Variants in PGM1 observed in about 807,000 individuals in gnomAD.
PGM1 encodes the protein phosphoglucomutase-1.
A neutral mutation model predicts 55.6 loss-of-function variants in PGM1; 52 were observed. The ratio of observed to expected loss-of-function variants is 0.94; its 90% confidence interval spans 0.75 to 1.18. The LOEUF is 1.18. PGM1 is among the 50% of genes most tolerant of loss of function. The pLI is 0.00. For missense variants in PGM1, 724 were observed against 729.3 expected, an observed-to-expected ratio of 0.99 and a Z score of 0.08; for synonymous variants, 287 against 271.7, an observed-to-expected ratio of 1.06 and a Z score of -0.55.
At chr1:63,656,172 G>A (rs1649960678) in intron 10 of PGM1, 1 of 152,218 alleles carries the variant, frequency 6.6e-6, no homozygotes, top group Non-Finnish European at 1.5e-5. Flanking sequence ...ACAGGCGTAT[G>A]AAAAGGTGGT....
In PGM1 at chr1:63,629,934, G is replaced by GT. The variant is rs1649147745; in HGVS notation, c.410-5dup. 6.2e-7 allele frequency: 1 copy of GT among 1,613,822 alleles called. No homozygotes were observed. The highest frequency in any genetic ancestry group is 1.3e-5 in the African/African-American group (1 of 74,890). Reference sequence around the variant, plus strand: ...GAAGTAACCCACTGTTTGCTGTTTGGTTTCCAGGTCCTGCTCCAGAAGCAA... The same window carrying GT: ...GAAGTAACCCACTGTTTGCTGTTTGGTTTTCCAGGTCCTGCTCCAGAAGCAA... On this transcript the variant is annotated splice_region_variant and splice_polypyrimidine_tract_variant and intron_variant, in intron 2 of 10. Transcript: ENST00000371084.
intron 3 of PGM1, 33 bp from the exon 4 acceptor site, chr1:63,631,624 C>A: frequency 6.2e-7 from 1 of 1,604,100 alleles, no homozygotes; most frequent in Non-Finnish European, 8.5e-7. Flanking sequence ...TGTGTTTAAT[C>A]CTTCCATCTT....
chr1:63,595,118 C>A (rs1648021942), intron 1 of PGM1, among the ~76,000 whole-genome samples: 1 of 152,158 alleles, frequency 6.6e-6, no homozygotes, highest in Non-Finnish European at 1.5e-5. Flanking sequence ...AACGCATCCC[C>A]TGAAATGGAT....
At chr1:63,610,346 G>A (rs1648532505) in intron 1 of PGM1, among the ~76,000 whole-genome samples, 1 of 151,958 alleles carries the variant, frequency 6.6e-6, no homozygotes, top group Non-Finnish European at 1.5e-5. Context: ...TTCTCTCAAA[G>A]TCCAAAATTC....
At chr1:63,658,350 T>TG (rs1650021088) in intron 10 of PGM1, among the ~76,000 whole-genome samples, 2 of 151,892 alleles carry the variant, frequency 1.3e-5, no homozygotes, top group African/African-American at 4.8e-5. Context: ...TAGTAGTTTT[T>TG]TTTTTTTTTT....
chr1:63,649,790 C>G (rs1649756978), intron 8 of PGM1, among the ~76,000 whole-genome samples: 1 of 151,874 alleles, frequency 6.6e-6, no homozygotes, highest in South Asian at 2.1e-4. Flanking sequence ...GGAACCAAGG[C>G]AAAAAAATCC....
At chr1:63,593,792 C>T (rs1168531259) in intron 1 of PGM1, 58 bp downstream of exon 1, 16 of 1,492,436 alleles carry the variant, frequency 1.1e-5, no homozygotes, top group South Asian at 3.8e-5. Flanking sequence ...GACGTGCGGC[C>T]CGCGGCGCCC....
rs1025306431 is a variant in PGM1 at position 63,659,444 on chromosome 1, A to T, written c.1600-142A>T. 18 of 720,262 alleles carry T rather than the reference A, an allele frequency of 2.5e-5. No individual in the cohort carries two copies. The Admixed American group carries it at 2.8e-4, about 11-fold the overall frequency. The allele number at this position is 720,262 out of a possible 1,614,324, so 44.6% of individuals were successfully genotyped here. ...ACTGCTGGAACTAGGTATTGGGGGA[A>T]ATAACATGTGTTTGTTTTTGGATTT... On this transcript the variant is annotated intron_variant, in intron 10 of 10. Transcript: ENST00000371084.
At chr1:63,608,527 G>T (rs560530081) in intron 1 of PGM1, among the ~76,000 whole-genome samples, 1 of 152,290 alleles carries the variant, frequency 6.6e-6, no homozygotes. Context: ...AATGGATCTG[G>T]GATGGTATAA....
At chr1:63,630,912 G>T (rs1477243696) in intron 3 of PGM1, among the ~76,000 whole-genome samples, 1 of 152,160 alleles carries the variant, frequency 6.6e-6, no homozygotes, top group Non-Finnish European at 1.5e-5. Context: ...TACTCAGGGA[G>T]AGCTGACAAT....
At chr1:63,599,410 C>T (rs6675278) in intron 1 of PGM1, among the ~76,000 whole-genome samples, 136 of 152,140 alleles carry the variant, frequency 8.9e-4, no homozygotes, top group African/African-American at 3.2e-3. Context: ...ATCATCCGCC[C>T]GCCTCGGCCT....
chr1:63,595,604 A>ATCACT (rs57576284), intron 1 of PGM1, among the ~76,000 whole-genome samples: 38,442 of 151,850 alleles, frequency 0.25, 6,461 homozygotes, highest in African/African-American at 0.49. Flanking sequence ...ATCCCAGTAG[A>ATCACT]TCATTTCCCT....
intron 6 of PGM1, 57 bp from the exon 7 acceptor site, chr1:63,638,628 C>T: frequency 8.7e-7 from 1 of 1,151,824 alleles, no homozygotes; most frequent in East Asian, 2.3e-5. Context: ...TTCCGTCCCT[C>T]ACATGGCCAC....
Position 63,632,662 on chromosome 1 carries a change from G to A in PGM1, c.682+880G>A, listed in dbSNP as rs374120334. Among the ~76,000 whole-genome samples the A allele has an allele frequency of 6.6e-5, 10 of 152,318 alleles. No individual in the cohort carries two copies. The East Asian group carries it at 9.6e-4, about 15-fold the overall frequency. On this transcript the variant is annotated intron_variant, in intron 4 of 10. Coordinates refer to ENST00000371084, the MANE Select transcript of PGM1 (RefSeq NM_002633.3). Reference sequence around the variant, plus strand: ...CATGCCTGGGGAATAGGCAGGAACTGGGCAGATTACTTTCTTCAAAGAATG... The same window carrying A: ...CATGCCTGGGGAATAGGCAGGAACTAGGCAGATTACTTTCTTCAAAGAATG...
chr1:63,625,373 C>T (rs1570489767), intron 1 of PGM1, among the ~76,000 whole-genome samples: 1 of 152,276 alleles, frequency 6.6e-6, no homozygotes, highest in African/African-American at 2.4e-5. Context: ...GTGAGAGCCA[C>T]CTTATTAAAA....
chr1:63,630,977 G>T (rs1219460564), intron 3 of PGM1, among the ~76,000 whole-genome samples: 1 of 152,110 alleles, frequency 6.6e-6, no homozygotes, highest in Non-Finnish European at 1.5e-5. Flanking sequence ...CATTCTTGAG[G>T]TTCAGAAGAT....
chr1:63,593,675 G>T lies in PGM1; in HGVS notation c.187G>T (p.Gly63Cys), dbSNP rs759782258. 5 of 1,606,454 alleles carry T rather than the reference G, an allele frequency of 3.1e-6. No homozygotes were observed. In the Admixed American group the frequency reaches 6.8e-5, roughly 22 times the overall value. ...QEATLVVGGD[G>C]RFYMKEAIQL... ...GGCCACGCTGGTGGTGGGCGGGGAC[G>T]GCCGGTTCTACATGAAGGAGGCCAT... The change falls in exon 1 of 11, where the codon GGC becomes TGC. Residue 63 changes from glycine to cysteine, a missense_variant. By Grantham distance (159) the Gly-to-Cys change is radical (BLOSUM62 -3). This residue lies in a region of PGM1 where 379 missense variants were observed against 357.5 expected (regional missense o/e 1.06). Coordinates refer to ENST00000371084, the MANE Select transcript of PGM1 (RefSeq NM_002633.3).
chr1:63,638,893 G>T (rs1333217295), intron 7 of PGM1, 93 bp downstream of exon 7: 12 of 887,338 alleles, frequency 1.4e-5, no homozygotes, highest in African/African-American at 1.6e-5. Context: ...AATACCAACG[G>T]TAGCCGATGT....
chr1:63,651,799 G>T lies in PGM1; in HGVS notation c.1411G>T (p.Ala471Ser), dbSNP rs148979330. Reference protein sequence around the residue: ...ANDKVYTVEKADNFEYSDPVD... With the variant: ...ANDKVYTVEKSDNFEYSDPVD... ...TGACAAAGTTTACACTGTGGAGAAG[G>T]CCGATAACTTTGAATACAGCGACCC... Residue 471 changes from alanine to serine, a missense_variant, in exon 9 of 11, where the codon GCC becomes TCC. Coordinates refer to ENST00000371084, the MANE Select transcript of PGM1 (RefSeq NM_002633.3). 8.7e-6 allele frequency: 14 copies of T among 1,613,928 alleles called. No individual in the cohort carries two copies. The East Asian group carries it at 3.1e-4, about 36-fold the overall frequency.
Sources: allele counts gnomAD v4.1 joint callset (sites outside exome capture counted in the v4.1 genomes callset), GRCh38; gene constraint gnomAD v4.1.1; regional missense constraint gnomAD v4.1.1; transcripts MANE v1.5; gene names NCBI Gene and HGNC (gene_info 2026-07-23, HGNC 2026-07-21).